ARL15: variants seen among roughly 807,000 people sequenced by gnomAD.
ARL15 encodes ADP-ribosylation factor-like protein 15.
In ARL15, 19 loss-of-function variants were observed where a neutral mutation model predicts 25.2. That is an observed-to-expected ratio of 0.75 (90% confidence interval 0.53 to 1.10). The LOEUF (loss-of-function observed/expected upper bound fraction) is 1.10. Among genes scored for constraint, ARL15 ranks in the 50% least tolerant of loss-of-function variants. The pLI, the probability that ARL15 is intolerant of heterozygous loss-of-function variation, is 0.00. For missense variants in ARL15, 220 were observed against 246.0 expected (o/e 0.89, Z 0.71); for synonymous variants, 94 against 86.8 (o/e 1.08, Z -0.46).
chr5:54,093,730 A>C (rs970206081), intron 4 of ARL15, among the ~76,000 whole-genome samples: 1 of 151,602 alleles, frequency 6.6e-6, no homozygotes, highest in Admixed American at 6.6e-5. Flanking sequence ...CTGGGTTATT[A>C]AACTTTTTAA....
intron 1 of ARL15, among the ~76,000 whole-genome samples, chr5:54,280,380 G>T (rs999922233): frequency 1.3e-5 from 2 of 152,158 alleles, no homozygotes; most frequent in East Asian, 1.9e-4. Context: ...TCTAACCGGG[G>T]ACAAATACTC....
intron 4 of ARL15, among the ~76,000 whole-genome samples, chr5:54,012,526 CTTT>C (rs1311444885): frequency 3.6e-5 from 5 of 140,822 alleles, no homozygotes; most frequent in Admixed American, 7.2e-5. Context: ...TATTTCTTTT[CTTT>C]TTTTTTTTTT....
intron 4 of ARL15, among the ~76,000 whole-genome samples, chr5:54,107,867 A>G (rs1171846843): frequency 2.0e-5 from 3 of 152,116 alleles, no homozygotes; most frequent in African/African-American, 7.2e-5. Context: ...GTATTTGCTC[A>G]TGGAAATTTT....
At chr5:54,302,360 C>T (rs1441074295) in intron 1 of ARL15, among the ~76,000 whole-genome samples, 1 of 152,174 alleles carries the variant, frequency 6.6e-6, no homozygotes, top group South Asian at 2.1e-4. Flanking sequence ...CAATTCTGGG[C>T]AACACTCAAC....
intron 1 of ARL15, 83 bp downstream of exon 1, chr5:54,310,349 C>T (rs1452544488): frequency 1.4e-6 from 2 of 1,474,446 alleles, no homozygotes; most frequent in Non-Finnish European, 1.8e-6. Flanking sequence ...AGAAAGAAAG[C>T]AAAAAGGCTG....
chr5:53,963,246 C>A (rs558214952), intron 4 of ARL15, among the ~76,000 whole-genome samples: 1 of 152,260 alleles, frequency 6.6e-6, no homozygotes, highest in South Asian at 2.1e-4. Context: ...TGTCAGATTT[C>A]CACATTATGA....
chr5:54,255,179 G>C (rs1757332767), intron 1 of ARL15, among the ~76,000 whole-genome samples: 2 of 151,906 alleles, frequency 1.3e-5, no homozygotes, highest in African/African-American at 4.9e-5. Context: ...AATTAGTTTA[G>C]AGAATGTTCC....
intron 4 of ARL15, among the ~76,000 whole-genome samples, chr5:54,000,292 T>C (rs1748810672): frequency 6.6e-6 from 1 of 152,170 alleles, no homozygotes; most frequent in Admixed American, 6.5e-5. Context: ...TTTTCAATCT[T>C]TTGAAAACCT....
At chr5:54,098,776 GA>G (rs923426123) in intron 4 of ARL15, among the ~76,000 whole-genome samples, 78 of 152,120 alleles carry the variant, frequency 5.1e-4, no homozygotes, top group African/African-American at 1.8e-3. Context: ...TCAGACTTTG[GA>G]AAGTCTACAA....
chr5:54,174,019 T>A (rs1204479612), intron 1 of ARL15, among the ~76,000 whole-genome samples: 1 of 152,176 alleles, frequency 6.6e-6, no homozygotes, highest in Non-Finnish European at 1.5e-5. Context: ...AAGATTGTGT[T>A]AGCAATTCAC....
At chr5:54,177,628 T>C (rs770663468) in intron 1 of ARL15, among the ~76,000 whole-genome samples, 2 of 152,192 alleles carry the variant, frequency 1.3e-5, no homozygotes, top group Non-Finnish European at 2.9e-5. Context: ...CAATCAGTAC[T>C]TGATGAATAA....
chr5:53,909,313 A>G (rs973519387), intron 4 of ARL15, among the ~76,000 whole-genome samples: 6 of 152,250 alleles, frequency 3.9e-5, no homozygotes, highest in African/African-American at 1.4e-4. Flanking sequence ...TTAAAGAGGG[A>G]AAAGATTATT....
intron 4 of ARL15, among the ~76,000 whole-genome samples, chr5:54,084,669 T>C (rs1751907761): frequency 6.6e-6 from 1 of 152,120 alleles, no homozygotes; most frequent in African/African-American, 2.4e-5. Flanking sequence ...GTGGCATTAG[T>C]GCACTGAAAG....
intron 4 of ARL15, chr5:53,951,636 T>C (rs1289272801): frequency 2.3e-6 from 1 of 431,146 alleles, no homozygotes; most frequent in Non-Finnish European, 4.6e-6. Flanking sequence ...CCCTATATAC[T>C]CCTTCCCTAT....
chr5:54,173,144 T>C (rs1018364123), intron 1 of ARL15, among the ~76,000 whole-genome samples: 8 of 149,594 alleles, frequency 5.3e-5, no homozygotes, highest in African/African-American at 2.0e-4. Context: ...GGTCACACTA[T>C]TGCACTCCAG....
chr5:54,145,716 T>TGGGCCTGG (rs1325835543), intron 3 of ARL15, among the ~76,000 whole-genome samples: 2 of 152,166 alleles, frequency 1.3e-5, no homozygotes. Flanking sequence ...CATTAAATAT[T>TGGGCCTGG]CACTGAAGTG....
At chr5:53,898,881 T>A (rs1744963517) in intron 4 of ARL15, among the ~76,000 whole-genome samples, 2 of 152,050 alleles carry the variant, frequency 1.3e-5, no homozygotes, top group Admixed American at 1.3e-4. Context: ...CTCGAACTCC[T>A]GGGCTCAAGC....
intron 1 of ARL15, among the ~76,000 whole-genome samples, chr5:54,202,449 T>A (rs2112486028): frequency 6.6e-6 from 1 of 152,248 alleles, no homozygotes; most frequent in Non-Finnish European, 1.5e-5. Context: ...TAATCACTGC[T>A]GGCTTTGAAA....
rs569312674 is a variant in ARL15, at chr5:53,884,825, G to C, written c.*1736C>G. 3 of 152,534 alleles carry C rather than the reference G, an allele frequency of 2.0e-5. No homozygotes were observed. The highest frequency in any genetic ancestry group is 3.9e-4 in the East Asian group (2 of 5,152). The allele number at this position is 152,534 out of a possible 1,614,324, so 9.4% of individuals were successfully genotyped here. On this transcript the variant is annotated 3_prime_UTR_variant, in exon 5 of 5. Transcript: ENST00000504924. ...TTTTTCATAGAAGATGAGCACAACA[G>C]GACAAAATAAAAACAGGAATTGTGT...
Sources: gnomAD v4.1 joint callset for allele counts (sites outside exome capture counted in the v4.1 genomes callset) on GRCh38, gnomAD v4.1.1 for gene constraint, MANE v1.5 for transcripts, NCBI Gene and HGNC (gene_info 2026-07-23, HGNC 2026-07-21) for gene names.